Variants in CABLES2 observed in about 807,000 individuals in gnomAD.
CABLES2 encodes the protein CDK5 and ABL1 enzyme substrate 2.
A neutral mutation model predicts 44.8 loss-of-function variants in CABLES2; 35 were observed. That is an observed-to-expected ratio of 0.78 (90% confidence interval 0.60 to 1.04). The LOEUF (loss-of-function observed/expected upper bound fraction) is 1.04. CABLES2 is among the 50% of genes least tolerant of loss of function. The pLI is 0.00. For synonymous variants in CABLES2, 282 were observed against 281.1 expected, an observed-to-expected ratio of 1.00 and a Z score of -0.03; for missense variants, 566 against 615.7, an observed-to-expected ratio of 0.92 and a Z score of 0.85.
Position 62,396,568 on chromosome 20 carries a change from G to A in CABLES2, c.387C>T (p.Cys129=), listed in dbSNP as rs751185299. The A allele has an allele frequency of 6.2e-7, 1 of 1,613,520 alleles. No individual in the cohort carries two copies. Among genetic ancestry groups the A allele is most frequent in the South Asian group, 1.1e-5 (1 of 91,042 alleles). Reference sequence around the variant, plus strand: ...CGGCATCTTCCAGAAACTCCAGGGAGCAGCGCTGGGACGTGACTCGCTTCC... The same window carrying A: ...CGGCATCTTCCAGAAACTCCAGGGAACAGCGCTGGGACGTGACTCGCTTCC... ...RQRKRVTSQR[C]SLEFLEDAVG... is the part of the protein sequence containing the mutation. The change falls in exon 2 of 10, where the codon TGC becomes TGT. Residue 129 remains cysteine (C), a synonymous_variant. Coordinates refer to ENST00000279101, the MANE Select transcript of CABLES2 (RefSeq NM_031215.3). This position sits in a 1 kb window ranked among gnomAD's most constrained non-coding sequence, Gnocchi z 5.7.
intron 1 of CABLES2, among the ~76,000 whole-genome samples, chr20:62,397,546 G>A (rs1988041828): frequency 6.6e-6 from 1 of 152,182 alleles, no homozygotes; most frequent in African/African-American, 2.4e-5. Flanking sequence ...CAACACTCGG[G>A]ACCAAGCGAG....
At chr20:62,399,325 C>A (rs1988145058) in intron 1 of CABLES2, among the ~76,000 whole-genome samples, 1 of 151,998 alleles carries the variant, frequency 6.6e-6, no homozygotes, top group African/African-American at 2.4e-5. Context: ...TGGCTCATTG[C>A]AAGCTCCACC....
rs1215939671 is a variant in CABLES2 at position 62,391,282 on chromosome 20, G to A, written c.1263C>T (p.Asp421=). ...GCTGCGTCACGCCGCTCTTGCGCAG[G>A]TCACTGCTGATCTTGGCAGCCAGCA... The part of the protein sequence containing the change: ...CVLLAAKISS[D]LRKSGVTQLI... Residue 421 remains aspartate (D), a synonymous_variant, in exon 9 of 10, where the codon GAC becomes GAT. Transcript: ENST00000279101. This position sits in a 1 kb window ranked among gnomAD's most constrained non-coding sequence, Gnocchi z 5.7. The A allele has an allele frequency of 6.2e-7, 1 of 1,612,512 alleles. No individual in the cohort carries two copies. The highest frequency in any genetic ancestry group is 1.3e-5 in the African/African-American group (1 of 74,952).
chr20:62,405,649 C>T (rs1988268631), intron 1 of CABLES2: 1 of 152,312 alleles, frequency 6.6e-6, no homozygotes, highest in South Asian at 2.1e-4. Flanking sequence ...TAGAGGAACC[C>T]AATGCCTCCA....
intron 7 of CABLES2, 83 bp downstream of exon 7, chr20:62,392,837 T>C: frequency 7.9e-7 from 1 of 1,271,376 alleles, no homozygotes; most frequent in Non-Finnish European, 1.1e-6. Flanking sequence ...CTGGGGCAGC[T>C]TTGCCCACAG....
intron 1 of CABLES2, among the ~76,000 whole-genome samples, chr20:62,398,233 G>A (rs1038166860): frequency 4.7e-5 from 6 of 126,630 alleles, no homozygotes; most frequent in African/African-American, 9.5e-5. Flanking sequence ...TGGTGGTGAC[G>A]GTGGTGATGA....
chr20:62,398,116 TGGTGGTGGTTATGAC>T (rs1988092927), intron 1 of CABLES2, among the ~76,000 whole-genome samples: 2 of 137,874 alleles, frequency 1.5e-5, no homozygotes, highest in Admixed American at 7.0e-5. Context: ...ATGGTGGTGG[TGGTGGTGGTTATGAC>T]GGTGGTGATG....
intron 1 of CABLES2, among the ~76,000 whole-genome samples, chr20:62,401,075 G>A (rs745668793): frequency 3.9e-5 from 6 of 152,180 alleles, no homozygotes; most frequent in Non-Finnish European, 5.9e-5. Flanking sequence ...CTGAGCCCAC[G>A]TGGACGGCCG....
At chr20:62,399,623 T>C (rs1404669916) in intron 1 of CABLES2, among the ~76,000 whole-genome samples, 3 of 132,816 alleles carry the variant, frequency 2.3e-5, no homozygotes, top group Admixed American at 1.7e-4. Context: ...AGACAGAGTC[T>C]CACTCTGTGG....
intron 1 of CABLES2, among the ~76,000 whole-genome samples, chr20:62,401,435 C>T (rs980451801): frequency 6.6e-6 from 1 of 152,204 alleles, no homozygotes; most frequent in African/African-American, 2.4e-5. Flanking sequence ...CTGGCAAGTG[C>T]AGATGGGACC....
chr20:62,390,671 C>G lies in CABLES2; in HGVS notation c.*300G>C. ...CGCTGTGAACAAAAGGTCCTGGTAC[C>G]AGGCTGGTCTCAGGCACGTGAAAAA... On this transcript the variant is annotated 3_prime_UTR_variant, in exon 10 of 10. Coordinates refer to ENST00000279101, the MANE Select transcript of CABLES2 (RefSeq NM_031215.3). 2.4e-6 allele frequency: 1 copy of G among 414,050 alleles called. No individual in the cohort carries two copies. The highest frequency in any genetic ancestry group is 4.5e-6 in the Non-Finnish European group (1 of 222,414). 25.6% of individuals were successfully genotyped at this position (414,050 alleles called of 1,614,324 possible).
chr20:62,397,952 A>ATGGCGATG (rs1569017204), intron 1 of CABLES2, among the ~76,000 whole-genome samples: 1 of 12,944 alleles, frequency 7.7e-5, no homozygotes, highest in African/African-American at 4.6e-4. Flanking sequence ...TGGTGACGGT[A>ATGGCGATG]GTGGTGGTGA....
At position 62,391,208 on chromosome 20, in the gene CABLES2, T is replaced by TCATGACCCTGCCTGC; in HGVS notation, c.1296+26_1296+40dup. The stretch of plus-strand genomic sequence containing the variant: ...TCCCAGCAGTGGCCCTGGCTCGATG[T>TCATGACCCTGCCTGC]CATGACCCTGCCTGCAGTGCCTGCC... On this transcript the variant is annotated intron_variant, in intron 9 of 9. Transcript: ENST00000279101. This position sits in a 1 kb window ranked among gnomAD's most constrained non-coding sequence, Gnocchi z 5.7. 1 of 1,603,284 alleles carries TCATGACCCTGCCTGC rather than the reference T, an allele frequency of 6.2e-7. No homozygotes were observed. Among genetic ancestry groups the TCATGACCCTGCCTGC allele is most frequent in the East Asian group, 2.2e-5 (1 of 44,632 alleles).
Position 62,396,282 on chromosome 20 carries a change from A to G in CABLES2, c.527+33T>C, listed in dbSNP as rs759183149. ...GACCCCGTGGGCTTATGGAGACCAC[A>G]GCCCTGGCCCGGTTCCCGGCTCCGC... On this transcript the variant is annotated intron_variant, in intron 3 of 9. Transcript: ENST00000279101. This position sits in a 1 kb window ranked among gnomAD's most constrained non-coding sequence, Gnocchi z 5.7. 69 of 1,590,926 alleles carry G rather than the reference A, an allele frequency of 4.3e-5. No homozygotes were observed. The Middle Eastern group carries it at 6.7e-4, about 15-fold the overall frequency.
rs1987854997 is a variant in CABLES2 at position 62,388,976 on chromosome 20, G to C, written c.*1995C>G. The C allele has an allele frequency of 6.2e-6, 1 of 162,094 alleles. No individual in the cohort carries two copies. The highest frequency in any genetic ancestry group is 2.4e-5 in the African/African-American group (1 of 41,550). 10.0% of individuals were successfully genotyped at this position (162,094 alleles called of 1,614,324 possible). ...AAGGGAAGGCTTCACACATCACAAA[G>C]ACCGGGTTGGTTAATGACTAAATCT... is the stretch of plus-strand genomic sequence containing the variant. On this transcript the variant is annotated 3_prime_UTR_variant, in exon 10 of 10. Coordinates refer to ENST00000279101, the MANE Select transcript of CABLES2 (RefSeq NM_031215.3).
At chr20:62,401,476 G>A (rs1363993738) in intron 1 of CABLES2, among the ~76,000 whole-genome samples, 1 of 152,244 alleles carries the variant, frequency 6.6e-6, no homozygotes, top group Non-Finnish European at 1.5e-5. Flanking sequence ...GGTGCCTCTG[G>A]AGGATGGGCT....
chr20:62,407,051 C>G lies in CABLES2; in HGVS notation c.226G>C (p.Ala76Pro), dbSNP rs1210827236. Reference protein sequence around the residue: ...PGGEKPPPPPAEAREPPAPPP... With the variant: ...PGGEKPPPPPPEAREPPAPPP... ...GGCGCTGGCGGTTCGCGGGCCTCGGCGGGCGGCGGCGGGGGCTTCTCTCCG... is the reference window on the plus strand; with the variant it reads ...GGCGCTGGCGGTTCGCGGGCCTCGGGGGGCGGCGGCGGGGGCTTCTCTCCG... The change falls in exon 1 of 10, where the codon GCC (alanine) becomes CCC (proline). Residue 76 changes from alanine (A) to proline (P), a missense_variant. Around this residue, in one of 2 missense-constraint regions of CABLES2, gnomAD observed 130 missense variants for 79.4 expected, o/e 1.64. Coordinates refer to ENST00000279101, the MANE Select transcript of CABLES2 (RefSeq NM_031215.3). 1 of 1,090,500 alleles carries G rather than the reference C, an allele frequency of 9.2e-7. No homozygotes were observed. Among genetic ancestry groups the G allele is most frequent in the Admixed American group, 5.2e-5 (1 of 19,228 alleles). 67.6% of individuals were successfully genotyped at this position (1,090,500 alleles called of 1,614,324 possible).
chr20:62,406,878 C>G (rs1484987497), intron 1 of CABLES2, 37 bp downstream of exon 1: 1 of 1,140,976 alleles, frequency 8.8e-7, no homozygotes, highest in African/African-American at 1.6e-5. Flanking sequence ...TCCCTGTACC[C>G]CGCGTCCTGG....
At position 62,392,440 on chromosome 20, in the gene CABLES2, G is replaced by A; in HGVS notation, c.1040C>T (p.Thr347Ile). ...PSDLKKDMNE[T>I]FREKFPHVKL... ...GACATGGGGGAACTTCTCCCTGAAG[G>A]TCTCGTTCATGTCCTTTTTGAGGTC... is the stretch of plus-strand genomic sequence containing the variant. Residue 347 changes from threonine (T) to isoleucine (I), a missense_variant, in exon 8 of 10, where the codon ACC (threonine) becomes ATC (isoleucine). This residue lies in a region of CABLES2 where 436 missense variants were observed against 536.3 expected (regional missense o/e 0.81). Coordinates refer to ENST00000279101, the MANE Select transcript of CABLES2 (RefSeq NM_031215.3). The A allele has an allele frequency of 6.2e-7, 1 of 1,614,056 alleles. No homozygotes were observed. The highest frequency in any genetic ancestry group is 1.1e-5 in the South Asian group (1 of 91,084).
Sources: gnomAD v4.1 joint callset for allele counts (sites outside exome capture counted in the v4.1 genomes callset) on GRCh38, gnomAD v4.1.1 for gene constraint, gnomAD v4.1.1 regional missense constraint, Gnocchi (gnomAD v3.1) non-coding constraint, MANE v1.5 for transcripts, NCBI Gene and HGNC (gene_info 2026-07-23, HGNC 2026-07-21) for gene names.